TOP2B: variants seen among roughly 807,000 people sequenced by gnomAD.
TOP2B encodes the protein DNA topoisomerase 2-beta.
In TOP2B, 51 loss-of-function variants were observed where a neutral mutation model predicts 193.5. The ratio of observed to expected loss-of-function variants is 0.26; its 90% CI spans 0.21 to 0.33. The LOEUF is 0.33. Ranked by LOEUF, TOP2B falls within the 10% of genes least tolerant of loss-of-function variation. The probability of loss-of-function intolerance (pLI) is 1.00; values close to 1 mark genes in which losing one functional copy is unlikely to be tolerated. For synonymous variants in TOP2B, 634 were observed against 635.7 expected, an observed-to-expected ratio of 1.00 and a Z score of 0.04; for missense variants, 1,378 against 1,909.3, an observed-to-expected ratio of 0.72 and a Z score of 5.19.
In TOP2B at chr3:25,639,689, C is replaced by T. The variant is rs76002111; in HGVS notation, c.396-1379G>A. Reference sequence around the variant, plus strand: ...GTTGTATTATTTAATAAGTGTTAAGCTCCCTTGTAAGAAGTTGCTCTAAGT... The same window carrying T: ...GTTGTATTATTTAATAAGTGTTAAGTTCCCTTGTAAGAAGTTGCTCTAAGT... On this transcript the variant is annotated intron_variant, in intron 4 of 35. Transcript: ENST00000264331. Among the ~76,000 whole-genome samples, 969 of 152,314 alleles carry T rather than the reference C, an allele frequency of 6.4e-3. 8 individuals carry two copies. The highest frequency in any genetic ancestry group is 0.022 in the African/African-American group (912 of 41,568).
At position 25,633,957 on chromosome 3, in the gene TOP2B, C is replaced by T; in HGVS notation, c.910G>A (p.Gly304Arg). 1 of 1,612,844 alleles carries T rather than the reference C, an allele frequency of 6.2e-7. No individual in the cohort carries two copies. The highest frequency in any genetic ancestry group is 8.5e-7 in the Non-Finnish European group (1 of 1,179,262). Residue 304 changes from glycine to arginine, a missense_variant, in exon 8 of 36, where the codon GGG becomes AGG. Gly to Arg is a moderately radical substitution (Grantham distance 125). Transcript: ENST00000264331. Reference protein sequence around the residue: ...LYVKDKLDETGVALKVIHELA... With the variant: ...LYVKDKLDETRVALKVIHELA... ...TCATGAATAACTTTCAGGGCCACCC[C>T]AGTTTCATCCAATTTGTCTTTCACA... is the stretch of plus-strand genomic sequence containing the variant.
rs1220635344 is a variant in TOP2B at position 25,598,146 on chromosome 3, G to A, written c.*161C>T. 1 of 667,402 alleles carries A rather than the reference G, an allele frequency of 1.5e-6. No individual in the cohort carries two copies. Among genetic ancestry groups the A allele is most frequent in the Non-Finnish European group, 2.4e-6 (1 of 413,604 alleles). The allele number at this position is 667,402 out of a possible 1,614,324, so 41.3% of individuals were successfully genotyped here. On this transcript the variant is annotated 3_prime_UTR_variant, in exon 36 of 36. Coordinates refer to ENST00000264331, the MANE Select transcript of TOP2B (RefSeq NM_001330700.2). ...AATGAGTAAAAAAGAGCATAAAACTGTATGTGTAAGAACAAAATGTTAAAA... is the reference window on the plus strand; with the variant it reads ...AATGAGTAAAAAAGAGCATAAAACTATATGTGTAAGAACAAAATGTTAAAA...
chr3:25,643,843 T>C (rs1353793480), intron 2 of TOP2B, 59 bp from the exon 3 acceptor site: 1 of 1,264,642 alleles, frequency 7.9e-7, no homozygotes, highest in Non-Finnish European at 1.2e-6. Context: ...CAATTTTTCA[T>C]AGTATAATCC....
At chr3:25,605,355 T>C (rs1702208780) in intron 32 of TOP2B, among the ~76,000 whole-genome samples, 1 of 152,112 alleles carries the variant, frequency 6.6e-6, no homozygotes, top group Non-Finnish European at 1.5e-5. Flanking sequence ...AGTTTACTCT[T>C]GCACTCAAAT....
chr3:25,647,645 C>T (rs1166557016), intron 1 of TOP2B, among the ~76,000 whole-genome samples: 1 of 151,788 alleles, frequency 6.6e-6, no homozygotes, highest in East Asian at 1.9e-4. Flanking sequence ...AAAACCTTAC[C>T]TCATGCTTTC....
intron 1 of TOP2B, among the ~76,000 whole-genome samples, chr3:25,659,760 C>CA (rs1379694096): frequency 1.3e-5 from 2 of 152,142 alleles, no homozygotes; most frequent in Non-Finnish European, 2.9e-5. Context: ...AGGTATATCC[C>CA]AGATGTCTCC....
At position 25,629,116 on chromosome 3, in the gene TOP2B, C is replaced by A; in HGVS notation, c.1719G>T (p.Leu573=). 6.2e-7 allele frequency: 1 copy of A among 1,600,972 alleles called. No homozygotes were observed. The highest frequency in any genetic ancestry group is 8.5e-7 in the Non-Finnish European group (1 of 1,175,378). Residue 573 remains leucine, a synonymous_variant, in exon 14 of 36, where the codon CTG becomes CTT. Coordinates refer to ENST00000264331, the MANE Select transcript of TOP2B (RefSeq NM_001330700.2). ...AATTGTGATGGATGAAATTAATAAG[C>A]AGGCCTTTTATGTGAGAACCATCTT... The part of the protein sequence containing the change: ...QDQDGSHIKG[L]LINFIHHNWP...
In TOP2B at chr3:25,598,253, G is replaced by A; in HGVS notation, c.*54C>T. ...ATGTACAAAAGTCTGAGACAGAGAAGACAAAAGGACAACACAAGATATTTG... is the reference window on the plus strand; with the variant it reads ...ATGTACAAAAGTCTGAGACAGAGAAAACAAAAGGACAACACAAGATATTTG... On this transcript the variant is annotated 3_prime_UTR_variant, in exon 36 of 36. Transcript: ENST00000264331. The A allele has an allele frequency of 6.6e-7, 1 of 1,517,780 alleles. No individual in the cohort carries two copies. The highest frequency in any genetic ancestry group is 1.3e-5 in the South Asian group (1 of 76,600). 94.0% of individuals were successfully genotyped at this position (1,517,780 alleles called of 1,614,324 possible).
intron 27 of TOP2B, among the ~76,000 whole-genome samples, chr3:25,614,084 AAAAT>A (rs1361496894): frequency 1.3e-5 from 2 of 152,214 alleles, no homozygotes; most frequent in Non-Finnish European, 2.9e-5. Flanking sequence ...TTAAATGTTA[AAAAT>A]AAATACATCC....
rs1307381181 is a variant in TOP2B at position 25,598,187 on chromosome 3, TA to T, written c.*119del. On this transcript the variant is annotated 3_prime_UTR_variant, in exon 36 of 36. Coordinates refer to ENST00000264331, the MANE Select transcript of TOP2B (RefSeq NM_001330700.2). ...AATGTTAAAAGGCCTACCACAATAATAAAAAACCGTCAATTACATCATCACA... is the reference window on the plus strand; with the variant it reads ...AATGTTAAAAGGCCTACCACAATAATAAAAACCGTCAATTACATCATCACA... 1.8e-6 allele frequency: 2 copies of T among 1,098,430 alleles called. No individual in the cohort carries two copies. Among genetic ancestry groups the T allele is most frequent in the Non-Finnish European group, 2.6e-6 (2 of 778,702 alleles). 68.0% of individuals were successfully genotyped at this position (1,098,430 alleles called of 1,614,324 possible).
intron 13 of TOP2B, 136 bp downstream of exon 13, chr3:25,629,893 G>C (rs1383928812): frequency 1.1e-6 from 1 of 903,736 alleles, no homozygotes; most frequent in Non-Finnish European, 1.6e-6. Context: ...TAAATGACGT[G>C]GTTTTTTCAT....
intron 28 of TOP2B, among the ~76,000 whole-genome samples, chr3:25,612,029 G>A (rs1273898962): frequency 4.0e-5 from 6 of 151,690 alleles, no homozygotes; most frequent in Admixed American, 1.3e-4. Flanking sequence ...TGCAAGCTCC[G>A]CCTCCCGGGT....
At chr3:25,605,083 G>A (rs978083041) in intron 32 of TOP2B, among the ~76,000 whole-genome samples, 11 of 152,084 alleles carry the variant, frequency 7.2e-5, no homozygotes, top group African/African-American at 1.7e-4. Context: ...TAACACAGAA[G>A]TGCATAAAGT....
chr3:25,604,682 G>A, intron 33 of TOP2B, 78 bp downstream of exon 33: 1 of 1,221,062 alleles, frequency 8.2e-7, no homozygotes, highest in Non-Finnish European at 1.2e-6. Flanking sequence ...AATGCAAATA[G>A]TTTCAAATTA....
intron 6 of TOP2B, among the ~76,000 whole-genome samples, chr3:25,636,541 T>C (rs1179978008): frequency 6.6e-6 from 1 of 152,040 alleles, no homozygotes; most frequent in African/African-American, 2.4e-5. Context: ...AGGGACTTGA[T>C]CCTCCTCTGA....
chr3:25,627,779 A>AATAATGTTAAATAC, intron 15 of TOP2B, among the ~76,000 whole-genome samples: 1 of 151,796 alleles, frequency 6.6e-6, no homozygotes, highest in Non-Finnish European at 1.5e-5. Context: ...AAAAAAACAA[A>AATAATGTTAAATAC]CAAACTCAGG....
intron 18 of TOP2B, 158 bp from the exon 19 acceptor site, chr3:25,624,961 G>T: frequency 1.5e-6 from 1 of 662,766 alleles, no homozygotes; most frequent in Non-Finnish European, 2.5e-6. Flanking sequence ...CGTTTGTTTT[G>T]TTTGTTTGTT....
chr3:25,663,420 G>A (rs1703977259), intron 1 of TOP2B, among the ~76,000 whole-genome samples: 1 of 152,188 alleles, frequency 6.6e-6, no homozygotes, highest in Non-Finnish European at 1.5e-5. Context: ...CGCTGAGCAA[G>A]TGAAATGCCG....
chr3:25,602,297 T>C (rs926098893), intron 33 of TOP2B, among the ~76,000 whole-genome samples: 1 of 148,344 alleles, frequency 6.7e-6, no homozygotes, highest in African/African-American at 2.5e-5. Flanking sequence ...CTTGGGAGGA[T>C]GAGGCAGAGG....
Sources: gnomAD v4.1 joint callset for allele counts (sites outside exome capture counted in the v4.1 genomes callset) on GRCh38, gnomAD v4.1.1 for gene constraint, MANE v1.5 for transcripts, NCBI Gene and HGNC (gene_info 2026-07-23, HGNC 2026-07-21) for gene names.